TFPI: variants seen among roughly 807,000 people sequenced by gnomAD.
TFPI encodes anti-convertin.
In TFPI, 15 loss-of-function variants were observed where a neutral mutation model predicts 34.6. That is an observed-to-expected ratio of 0.43 (90% confidence interval 0.29 to 0.67). TFPI has a LOEUF of 0.67. TFPI is among the 30% of genes least tolerant of loss of function. The probability of loss-of-function intolerance (pLI) is 0.15; values close to 1 mark genes in which losing one functional copy is unlikely to be tolerated. For synonymous variants in TFPI, 105 were observed against 120.1 expected, an observed-to-expected ratio of 0.87 and a Z score of 0.82; for missense variants, 301 against 364.0, an observed-to-expected ratio of 0.83 and a Z score of 1.41.
intron 2 of TFPI, among the ~76,000 whole-genome samples, chr2:187,499,129 T>G (rs918011268): frequency 6.6e-6 from 1 of 151,988 alleles, no homozygotes; most frequent in Admixed American, 6.6e-5. Flanking sequence ...TTCTTTTTTT[T>G]TTCAAATCCT....
At position 187,488,459 on chromosome 2, in the gene TFPI, CAT is replaced by C. The variant is rs1369291239; in HGVS notation, c.320-86_320-85del. ...ATTTGAATTTAACAAACAAGAGTGACATATTTATTACCATTAAAATTATTCTT... is the reference window on the plus strand; with the variant it reads ...ATTTGAATTTAACAAACAAGAGTGACATTTATTACCATTAAAATTATTCTT... On this transcript the variant is annotated intron_variant, in intron 3 of 7. Coordinates refer to ENST00000233156, the MANE Select transcript of TFPI (RefSeq NM_006287.6). 1.7e-5 allele frequency: 14 copies of C among 818,446 alleles called. No homozygotes were observed. The Admixed American group carries it at 3.0e-4, about 17-fold the overall frequency. 50.7% of individuals were successfully genotyped at this position (818,446 alleles called of 1,614,324 possible). A position where few individuals can be genotyped will look rare whatever the true frequency, so the allele number is the denominator to read the frequency against.
At chr2:187,518,834 A>T (rs1297891958) in intron 1 of TFPI, 3 of 151,798 alleles carry the variant, frequency 2.0e-5, no homozygotes, top group East Asian at 3.9e-4. Flanking sequence ...GGCTTTGTTC[A>T]TTCTCCTTTT....
intron 6 of TFPI, among the ~76,000 whole-genome samples, chr2:187,482,161 A>C (rs192422421): frequency 6.6e-6 from 1 of 151,914 alleles, no homozygotes; most frequent in South Asian, 2.1e-4. Flanking sequence ...ATGATAAATG[A>C]CTGCAGATCT....
chr2:187,470,883 A>T (rs1691993012), intron 6 of TFPI, among the ~76,000 whole-genome samples: 2 of 152,176 alleles, frequency 1.3e-5, no homozygotes, highest in South Asian at 4.1e-4. Context: ...CTATAATCAG[A>T]TACTTGCTCC....
intron 1 of TFPI, chr2:187,513,565 C>T (rs77365587): frequency 0.036 from 5,552 of 152,614 alleles, 158 homozygotes; most frequent in South Asian, 0.1. Flanking sequence ...CAGCTCCAGC[C>T]TAAAGATCAC....
chr2:187,542,806 G>A (rs1010386657), intron 1 of TFPI, among the ~76,000 whole-genome samples: 1 of 149,882 alleles, frequency 6.7e-6, no homozygotes, highest in Admixed American at 6.7e-5. Context: ...GATGGAGGCT[G>A]CAGTGAGCTG....
chr2:187,536,239 C>T (rs1688246448), intron 1 of TFPI, among the ~76,000 whole-genome samples: 1 of 152,122 alleles, frequency 6.6e-6, no homozygotes, highest in South Asian at 2.1e-4. Flanking sequence ...TTTATGAGGC[C>T]AGCATCATCC....
At position 187,535,508 on chromosome 2, in the gene TFPI, C is replaced by A. The variant is rs191794248; in HGVS notation, c.-3+18692G>T. Among the ~76,000 whole-genome samples, 641 of 152,232 alleles carry A rather than the reference C, an allele frequency of 4.2e-3. 3 individuals carry two copies. Among genetic ancestry groups the A allele is most frequent in the Non-Finnish European group, 6.8e-3 (461 of 68,020 alleles). On this transcript the variant is annotated intron_variant, in intron 1 of 7. Transcript: ENST00000233156. ...TACTGGGTAAATAACAAAATCAAGGCAGAAATAAATAAGTTATTTGAAACC... is the reference window on the plus strand; with the variant it reads ...TACTGGGTAAATAACAAAATCAAGGAAGAAATAAATAAGTTATTTGAAACC...
chr2:187,533,294 C>G (rs1243024536), intron 1 of TFPI, among the ~76,000 whole-genome samples: 2 of 152,152 alleles, frequency 1.3e-5, no homozygotes, highest in African/African-American at 4.8e-5. Flanking sequence ...CAAAGGTCAA[C>G]AGACACCTCA....
intron 1 of TFPI, chr2:187,547,543 G>A (rs560131950): frequency 4.3e-4 from 66 of 152,212 alleles, no homozygotes; most frequent in African/African-American, 1.5e-3. Flanking sequence ...CATCTGCCCA[G>A]ATGACATCGT....
intron 6 of TFPI, among the ~76,000 whole-genome samples, chr2:187,475,572 T>C (rs1692324532): frequency 1.3e-5 from 2 of 152,188 alleles, no homozygotes; most frequent in African/African-American, 2.4e-5. Context: ...TTAAGAATTT[T>C]ATGTCTCATT....
In TFPI at chr2:187,513,259, G is replaced by GT. The variant is rs201136761; in HGVS notation, c.-2-9490dup. 7.6e-3 allele frequency among the ~76,000 whole-genome samples: 1,160 copies of GT among 152,122 alleles called. 4 individuals are homozygous for GT. The highest frequency in any genetic ancestry group is 0.01 in the Middle Eastern group (3 of 288). On this transcript the variant is annotated intron_variant, in intron 1 of 7. Coordinates refer to ENST00000233156, the MANE Select transcript of TFPI (RefSeq NM_006287.6). ...AAACATTAAAATAAAAACACAACGG[G>GT]TTTTTTCTTAAATCACTAACCTGCT...
chr2:187,553,257 G>A (rs1477917598), intron 1 of TFPI, among the ~76,000 whole-genome samples: 1 of 151,922 alleles, frequency 6.6e-6, no homozygotes, highest in Non-Finnish European at 1.5e-5. Context: ...TGGGCAGTAT[G>A]TTTCCTGCTT....
chr2:187,499,309 A>G (rs192772273), intron 2 of TFPI, among the ~76,000 whole-genome samples: 2 of 152,060 alleles, frequency 1.3e-5, no homozygotes, highest in African/African-American at 4.8e-5. Flanking sequence ...GAAATTCATA[A>G]CAAATATAAT....
In TFPI at chr2:187,484,427, A is replaced by G. The variant is rs920190408; in HGVS notation, c.536-211T>C. On this transcript the variant is annotated intron_variant, in intron 5 of 7. Transcript: ENST00000233156. ...TCTTGGTCAAAAAAGCGTAGCAGTT[A>G]ATGTTTAAGTCATCCCTTTAATAAA... 11 of 551,166 alleles carry G rather than the reference A, an allele frequency of 2.0e-5. No homozygotes were observed. In the African/African-American group the frequency reaches 2.1e-4, roughly 11 times the overall value. 34.1% of individuals were successfully genotyped at this position (551,166 alleles called of 1,614,324 possible).
At position 187,503,790 on chromosome 2, in the gene TFPI, C is replaced by G; in HGVS notation, c.-2-20G>C. 1 of 1,608,976 alleles carries G rather than the reference C, an allele frequency of 6.2e-7. No individual in the cohort carries two copies. Among genetic ancestry groups the G allele is most frequent in the Non-Finnish European group, 8.5e-7 (1 of 1,177,382 alleles). On this transcript the variant is annotated intron_variant, in intron 1 of 7. Coordinates refer to ENST00000233156, the MANE Select transcript of TFPI (RefSeq NM_006287.6). ...TCATCTCTGAAATACAGAACCCATA[C>G]ATATCTAATAAATAAAGTGTTAATA...
At chr2:187,551,253 A>G (rs546756655) in intron 1 of TFPI, among the ~76,000 whole-genome samples, 1 of 152,222 alleles carries the variant, frequency 6.6e-6, no homozygotes, top group East Asian at 1.9e-4. Flanking sequence ...GGATAGTTGT[A>G]CTGCAGCATT....
chr2:187,493,813 T>A (rs1685281421), intron 3 of TFPI, among the ~76,000 whole-genome samples: 2 of 152,168 alleles, frequency 1.3e-5, no homozygotes, highest in African/African-American at 4.8e-5. Context: ...AAGTTCCTCA[T>A]CTCTATCTGA....
chr2:187,475,839 A>G (rs1692337912), intron 6 of TFPI, among the ~76,000 whole-genome samples: 8 of 152,208 alleles, frequency 5.3e-5, no homozygotes, highest in Admixed American at 5.2e-4. Flanking sequence ...ATCAGATAAA[A>G]ATAAAATTGT....
Sources: gnomAD v4.1 joint callset for allele counts (sites outside exome capture counted in the v4.1 genomes callset) on GRCh38, gnomAD v4.1.1 for gene constraint, MANE v1.5 for transcripts, NCBI Gene and HGNC (gene_info 2026-07-23, HGNC 2026-07-21) for gene names.